Variants in CCDC7 observed in about 807,000 individuals in gnomAD.
The protein encoded by CCDC7 is coiled-coil domain-containing protein 7.
Under a neutral mutation model 196.9 loss-of-function variants are expected in CCDC7, and 183 were observed. That is an observed-to-expected ratio of 0.93 (90% CI 0.82 to 1.05). The LOEUF is 1.05. Ranked by LOEUF, CCDC7 falls within the 50% of genes least tolerant of loss-of-function variation. The pLI is 0.00. For synonymous variants in CCDC7, 525 were observed against 484.6 expected (o/e 1.08, Z -1.10); for missense variants, 1,540 against 1,482.2 (o/e 1.04, Z -0.64).
In CCDC7 at chr10:32,870,007, A is replaced by G. The variant is rs147337603; in HGVS notation, c.4112-6340A>G. On this transcript the variant is annotated intron_variant, in intron 41 of 41. Transcript: ENST00000639629. ...TCTTTGCTTACTGTAGCCTTGTAGT[A>G]TAGTTGGAAGTCAGGTAGCGTGATG... 7.4e-3 allele frequency among the ~76,000 whole-genome samples: 1,123 copies of G among 152,154 alleles called. 13 individuals carry two copies. Among genetic ancestry groups the G allele is most frequent in the African/African-American group, 0.025 (1,024 of 41,530 alleles).
intron 9 of CCDC7, among the ~76,000 whole-genome samples, chr10:32,508,887 C>T (rs1383257197): frequency 1.3e-5 from 2 of 151,472 alleles, no homozygotes; most frequent in African/African-American, 4.9e-5. Flanking sequence ...CCCGCCTTGG[C>T]CTCCCAAAGT....
At chr10:32,575,307 G>A (rs1302440024) in intron 16 of CCDC7, among the ~76,000 whole-genome samples, 8 of 152,142 alleles carry the variant, frequency 5.3e-5, no homozygotes, top group African/African-American at 1.9e-4. Context: ...TAGACTAGAG[G>A]AGCTTTTAAT....
chr10:32,475,864 C>G (rs1331681181), intron 8 of CCDC7, among the ~76,000 whole-genome samples: 1 of 152,116 alleles, frequency 6.6e-6, no homozygotes, highest in Non-Finnish European at 1.5e-5. Flanking sequence ...GTCACAATTT[C>G]ATCTTGATGT....
intron 28 of CCDC7, among the ~76,000 whole-genome samples, chr10:32,763,722 C>A (rs987995125): frequency 5.9e-5 from 9 of 151,454 alleles, no homozygotes; most frequent in Non-Finnish European, 1.3e-4. Flanking sequence ...AAGCCAGGCA[C>A]ATAAAGAAAA....
chr10:32,773,241 A>G (rs773150612), intron 28 of CCDC7, among the ~76,000 whole-genome samples: 3 of 152,050 alleles, frequency 2.0e-5, no homozygotes, highest in Non-Finnish European at 4.4e-5. Flanking sequence ...TTCAGTTACT[A>G]TTTCCTTAAA....
chr10:32,485,043 C>G (rs2134243957), intron 8 of CCDC7, among the ~76,000 whole-genome samples: 1 of 152,304 alleles, frequency 6.6e-6, no homozygotes, highest in Non-Finnish European at 1.5e-5. Flanking sequence ...CCGTCTTTTT[C>G]TATTGATTGG....
chr10:32,545,934 A>T (rs1236782091), intron 13 of CCDC7, among the ~76,000 whole-genome samples: 2 of 143,706 alleles, frequency 1.4e-5, no homozygotes, highest in Non-Finnish European at 3.1e-5. Flanking sequence ...AAAAAGATGT[A>T]GCCTCTGGAA....
rs1029487358 is a variant in CCDC7 at position 32,500,800 on chromosome 10, C to T, written c.872+8803C>T. On this transcript the variant is annotated intron_variant, in intron 9 of 41. Coordinates refer to ENST00000639629, the Ensembl canonical transcript of CCDC7. ...GAGACTCCGTCTGCAATCCTGGCAC[C>T]TCGGGAGGCCGAGGCAGGCAGATCA... Among the ~76,000 whole-genome samples the T allele has an allele frequency of 9.9e-5, 15 of 152,232 alleles. No individual in the cohort carries two copies. In the South Asian group the frequency reaches 2.9e-3, roughly 29 times the overall value.
At chr10:32,444,606 T>C (rs2030548786), upstream of CCDC7, among the ~76,000 whole-genome samples, 1 of 152,242 alleles carries the variant, frequency 6.6e-6, no homozygotes, top group African/African-American at 2.4e-5. Flanking sequence ...TAAGGTCTTC[T>C]TTAATCTCTC....
intron 20 of CCDC7, among the ~76,000 whole-genome samples, chr10:32,641,609 A>G (rs1028984264): frequency 6.6e-6 from 1 of 152,136 alleles, no homozygotes; most frequent in African/African-American, 2.4e-5. Flanking sequence ...TTCCTCCTTT[A>G]GCTTGGAGTA....
At chr10:32,860,804 T>C (rs995133834) in intron 41 of CCDC7, among the ~76,000 whole-genome samples, 1 of 152,062 alleles carries the variant, frequency 6.6e-6, no homozygotes, top group Non-Finnish European at 1.5e-5. Flanking sequence ...TGAACTCCCA[T>C]TCACAATTGC....
chr10:32,712,625 A>G (rs981947579), intron 25 of CCDC7, among the ~76,000 whole-genome samples: 2 of 152,210 alleles, frequency 1.3e-5, no homozygotes, highest in African/African-American at 2.4e-5. Context: ...GAATTTTGGA[A>G]GCCTTGTGGA....
intron 13 of CCDC7, among the ~76,000 whole-genome samples, chr10:32,564,206 C>G (rs2056347251): frequency 6.6e-6 from 1 of 152,124 alleles, no homozygotes; most frequent in East Asian, 1.9e-4. Flanking sequence ...GTTGGTGGGA[C>G]TGTAAACTAG....
chr10:32,791,966 G>A (rs2082766692), intron 29 of CCDC7, among the ~76,000 whole-genome samples: 1 of 152,086 alleles, frequency 6.6e-6, no homozygotes, highest in Non-Finnish European at 1.5e-5. Flanking sequence ...AAAACAGCAG[G>A]AGAAAAGCAT....
At chr10:32,704,731 A>T (rs2079395007) in intron 24 of CCDC7, among the ~76,000 whole-genome samples, 1 of 152,060 alleles carries the variant, frequency 6.6e-6, no homozygotes, top group African/African-American at 2.4e-5. Context: ...CTCCAGCCTC[A>T]CTGCTGCCTT....
At chr10:32,475,179 T>C (rs1169285622) in intron 8 of CCDC7, among the ~76,000 whole-genome samples, 13 of 152,186 alleles carry the variant, frequency 8.5e-5, no homozygotes, top group Admixed American at 8.5e-4. Context: ...CTTCTAATAT[T>C]GTACCTTGGC....
In CCDC7 at chr10:32,851,969, T is replaced by A. The variant is rs1324571869; in HGVS notation, c.4021+37T>A. On this transcript the variant is annotated intron_variant, in intron 40 of 41. Coordinates refer to ENST00000639629, the Ensembl canonical transcript of CCDC7. ...TATTTTTAGTGTACAGTGTGATTTT[T>A]AAAATAAAGCTATAACTAAATGTAA... 5.8e-6 allele frequency: 9 copies of A among 1,547,958 alleles called. No homozygotes were observed. The African/African-American group carries it at 1.3e-4, about 22-fold the overall frequency.
chr10:32,492,049 C>A (rs1472275122), intron 9 of CCDC7, 52 bp downstream of exon 10: 4 of 1,464,346 alleles, frequency 2.7e-6, no homozygotes, highest in Non-Finnish European at 2.7e-6. Context: ...TAAAAAAAGA[C>A]AGATAAAATT....
At chr10:32,628,981 G>A (rs1225037744) in intron 18 of CCDC7, among the ~76,000 whole-genome samples, 2 of 152,088 alleles carry the variant, frequency 1.3e-5, no homozygotes, top group African/African-American at 4.8e-5. Context: ...AGTGCTGTTG[G>A]ATGGAATATT....
Sources: allele counts gnomAD v4.1 joint callset (sites outside exome capture counted in the v4.1 genomes callset), GRCh38; gene constraint gnomAD v4.1.1; transcripts MANE v1.5; gene names NCBI Gene and HGNC (gene_info 2026-07-23, HGNC 2026-07-21).